Variants in PPEF1 observed in about 807,000 individuals in gnomAD.
The protein encoded by PPEF1 is protein phosphatase with EF-hand domain 1, also known as serine/threonine-protein phosphatase with EF-hands 1.
Under a neutral mutation model 53.3 loss-of-function variants are expected in PPEF1, and 12 were observed. That is an observed-to-expected ratio of 0.23 (90% CI 0.14 to 0.36). The LOEUF is 0.36. PPEF1 is among the 10% of genes least tolerant of loss of function. The pLI, the probability that PPEF1 is intolerant of heterozygous loss-of-function variation, is 1.00. For missense variants in PPEF1, 334 were observed against 490.4 expected, an observed-to-expected ratio of 0.68 and a Z score of 3.01; for synonymous variants, 165 against 176.7, an observed-to-expected ratio of 0.93 and a Z score of 0.52.
intron 3 of PPEF1, among the ~76,000 whole-genome samples, chrX:18,690,381 C>CG (rs1393982371): frequency 2.5e-4 from 14 of 55,837 alleles, no homozygotes; most frequent in Non-Finnish European, 3.0e-4. Context: ...TTTTTTTTGG[C>CG]GGGGGGCAGG....
chrX:18,720,279 C>G (rs1275082159), intron 1 of PPEF1, among the ~76,000 whole-genome samples: 9 of 111,505 alleles, frequency 8.1e-5, no homozygotes, highest in African/African-American at 2.9e-4. Flanking sequence ...ATTATACTAT[C>G]TTTACTTTTT....
chrX:18,811,873 C>G (rs2046817946), intron 12 of PPEF1, among the ~76,000 whole-genome samples: 1 of 110,768 alleles, frequency 9.0e-6, no homozygotes, highest in Non-Finnish European at 1.9e-5. Context: ...TCCCAAAGTG[C>G]TGGGATTACA....
At chrX:18,812,795 G>T (rs1191008886) in intron 12 of PPEF1, among the ~76,000 whole-genome samples, 1 of 110,522 alleles carries the variant, frequency 9.0e-6, no homozygotes, top group Non-Finnish European at 1.9e-5. Flanking sequence ...TGGAGACAGG[G>T]TCTCACTCAG....
At chrX:18,759,686 T>G (rs2045619538) in intron 5 of PPEF1, among the ~76,000 whole-genome samples, 1 of 111,820 alleles carries the variant, frequency 8.9e-6, no homozygotes, top group African/African-American at 3.2e-5. Context: ...CAATGAGATT[T>G]AAGCACACAA....
At chrX:18,826,417 CTTTTTTTTTTTTTTTTTT>C (rs58697941) in intron 15 of PPEF1, among the ~76,000 whole-genome samples, 2 of 24,626 alleles carry the variant, frequency 8.1e-5, no homozygotes, top group Non-Finnish European at 1.3e-4. Flanking sequence ...TCATTTTCTG[CTTTTTTTTTTTTTTTTTT>C]TTTTTTTTTT....
At chrX:18,740,132 A>G (rs767928729) in intron 3 of PPEF1, among the ~76,000 whole-genome samples, 1 of 111,873 alleles carries the variant, frequency 8.9e-6, no homozygotes, top group South Asian at 3.8e-4. Flanking sequence ...CGTGGGCTGC[A>G]CCCACTGTCC....
chrX:18,733,860 T>G (rs2044898195), intron 3 of PPEF1, 52 bp downstream of exon 3: 15 of 992,954 alleles, frequency 1.5e-5, no homozygotes, highest in Non-Finnish European at 2.0e-5. Flanking sequence ...TTGAATTGTC[T>G]TCATCAAGAG....
At chrX:18,706,892 G>A (rs1401342887), upstream of PPEF1, among the ~76,000 whole-genome samples, 2 of 87,682 alleles carry the variant, frequency 2.3e-5, no homozygotes, top group Non-Finnish European at 4.3e-5. Flanking sequence ...ACAGTGGTGC[G>A]ATCTCAGCTC....
intron 15 of PPEF1, 130 bp downstream of exon 15, chrX:18,825,965 A>G (rs1283711609): frequency 9.4e-6 from 4 of 425,678 alleles, no homozygotes; most frequent in African/African-American, 2.6e-5. Context: ...GGTAAGATGG[A>G]GGCCTTGCTT....
At chrX:18,720,472 G>A (rs60992998) in intron 1 of PPEF1, among the ~76,000 whole-genome samples, 9,626 of 109,852 alleles carry the variant, frequency 0.088, 1,082 homozygotes, top group African/African-American at 0.3. Flanking sequence ...TGTGCCTGTA[G>A]TCTCAGCTAC....
chrX:18,788,976 G>T, intron 9 of PPEF1, 145 bp from the exon 10 acceptor site: 1 of 644,897 alleles, frequency 1.6e-6, no homozygotes, highest in Non-Finnish European at 2.4e-6. Context: ...TGAGATATAG[G>T]AGGTGGACGA....
Position 18,774,828 on chromosome X carries a change from T to C in PPEF1, c.559-4182T>C, listed in dbSNP as rs779216586. ...GAAGTCTGATGCTAGGCTGATTCTT[T>C]TCCTTTTGTAACTTGTTCTTTCTCT... On this transcript the variant is annotated intron_variant, in intron 6 of 15. Coordinates refer to ENST00000470157, the MANE Select transcript of PPEF1 (RefSeq NM_001377996.1). Among the ~76,000 whole-genome samples the C allele has an allele frequency of 2.7e-5, 3 of 112,248 alleles. No homozygotes were observed. The South Asian group carries it at 1.1e-3, about 42-fold the overall frequency.
At chrX:18,730,713 CT>C (rs754429087) in intron 2 of PPEF1, among the ~76,000 whole-genome samples, 116 of 102,019 alleles carry the variant, frequency 1.1e-3, no homozygotes, top group Admixed American at 1.6e-3. Context: ...TGAGGAAGGC[CT>C]TTTTTTTTTT....
intron 1 of PPEF1, among the ~76,000 whole-genome samples, chrX:18,712,521 A>G (rs1459303563): frequency 1.8e-5 from 2 of 112,367 alleles, no homozygotes; most frequent in African/African-American, 3.2e-5. Flanking sequence ...TACTGAACTC[A>G]TTAGCTCTAA....
intron 4 of PPEF1, among the ~76,000 whole-genome samples, chrX:18,751,110 G>A (rs1201293392): frequency 6.3e-5 from 7 of 111,318 alleles, no homozygotes; most frequent in South Asian, 3.7e-4. Flanking sequence ...ATTTTCTCCC[G>A]TTCTGTAGGT....
Position 18,789,062 on chromosome X carries a change from G to A in PPEF1, c.913-59G>A, listed in dbSNP as rs759539887. The A allele has an allele frequency of 1.0e-5, 12 of 1,157,373 alleles. No homozygotes were observed. The African/African-American group carries it at 1.8e-4, about 17-fold the overall frequency. ...AGAAAGAATCCCACCTGGGACTGAA[G>A]TCTCTGTATGTGGCAGAATAAGCAG... On this transcript the variant is annotated intron_variant, in intron 9 of 15. Transcript: ENST00000470157.
chrX:18,826,880 C>T (rs1167142069), intron 15 of PPEF1, among the ~76,000 whole-genome samples: 1 of 110,723 alleles, frequency 9.0e-6, no homozygotes, highest in African/African-American at 3.3e-5. Context: ...AAAGGCAGCA[C>T]CATTGTTTGT....
chrX:18,745,294 G>A (rs2045307416), intron 3 of PPEF1, among the ~76,000 whole-genome samples: 1 of 103,105 alleles, frequency 9.7e-6, no homozygotes, highest in African/African-American at 3.5e-5. Flanking sequence ...GCTCACTGCA[G>A]CCTCGACCTC....
chrX:18,708,992 A>C (rs1044950495), intron 1 of PPEF1, among the ~76,000 whole-genome samples: 1 of 111,463 alleles, frequency 9.0e-6, no homozygotes, highest in African/African-American at 3.3e-5. Context: ...GTAAAAACAA[A>C]TCCTCTCTCT....
Sources: gnomAD v4.1 joint callset for allele counts (sites outside exome capture counted in the v4.1 genomes callset) on GRCh38, gnomAD v4.1.1 for gene constraint, MANE v1.5 for transcripts, NCBI Gene and HGNC (gene_info 2026-07-23, HGNC 2026-07-21) for gene names.